Variants in CWF19L1 observed in about 807,000 individuals in gnomAD.
CWF19L1 encodes the protein CWF19-like protein 1.
Under a neutral mutation model 69.7 loss-of-function variants are expected in CWF19L1, and 60 were observed. The ratio of observed to expected loss-of-function variants is 0.86; its 90% CI spans 0.70 to 1.07. The LOEUF is 1.07. Ranked by LOEUF, CWF19L1 falls within the 50% of genes least tolerant of loss-of-function variation. CWF19L1 has a pLI of 0.00. For missense variants in CWF19L1, 591 were observed against 638.9 expected (o/e 0.92, Z 0.81); for synonymous variants, 209 against 222.2 (o/e 0.94, Z 0.53).
Position 100,233,274 on chromosome 10 carries a change from G to C in CWF19L1, c.1570C>G (p.Arg524Gly), listed in dbSNP as rs756636089. Residue 524 changes from arginine (R) to glycine (G), a missense_variant, in exon 14 of 14, where the codon CGC becomes GGC. Arg to Gly is a moderately radical substitution (Grantham distance 125, BLOSUM62 -2). This residue lies in a region of CWF19L1 where 458 missense variants were observed against 489.3 expected (regional missense o/e 0.94). Transcript: ENST00000354105. ...TAGGGCTCAAAGTCTTTCCGGAAGC[G>C]GCGAGCCAGGGTCTCCTCGTCTTCC... ...SKEDEETLAR[R>G]FRKDFEPYDF... The C allele has an allele frequency of 2.5e-6, 4 of 1,613,650 alleles. No individual in the cohort carries two copies. Among genetic ancestry groups the C allele is most frequent in the Admixed American group, 3.3e-5 (2 of 59,958 alleles).
chr10:100,243,615 T>G, intron 10 of CWF19L1, 83 bp downstream of exon 10: 1 of 1,185,374 alleles, frequency 8.4e-7, no homozygotes, highest in East Asian at 2.3e-5. Context: ...TGGGTAAATG[T>G]TATATGTAGA....
At chr10:100,257,509 A>C (rs1313587466) in intron 4 of CWF19L1, among the ~76,000 whole-genome samples, 1 of 151,950 alleles carries the variant, frequency 6.6e-6, no homozygotes. Context: ...CATGTTGGCC[A>C]GGATGGTCTC....
At chr10:100,255,163 G>A (rs896163593) in intron 5 of CWF19L1, among the ~76,000 whole-genome samples, 2 of 152,290 alleles carry the variant, frequency 1.3e-5, no homozygotes, top group Non-Finnish European at 2.9e-5. Context: ...CCAGTGTAGC[G>A]TTTCACTCCC....
At chr10:100,241,163 C>T (rs997076756) in intron 10 of CWF19L1, among the ~76,000 whole-genome samples, 3 of 151,890 alleles carry the variant, frequency 2.0e-5, no homozygotes, top group Non-Finnish European at 4.4e-5. Context: ...CCCGCCACCA[C>T]GCCCAGCTAA....
In CWF19L1 at chr10:100,257,287, CTTTT is replaced by C. The variant is rs55939570; in HGVS notation, c.290-815_290-812del. ...GAGTCATCCATGCTAAGTGCTTTAC[CTTTT>C]TTTTTTTTTTTTTTTTTTTTTGAGA... On this transcript the variant is annotated intron_variant, in intron 4 of 13. Transcript: ENST00000354105. Among the ~76,000 whole-genome samples the C allele has an allele frequency of 7.9e-3, 833 of 105,732 alleles. 8 individuals carry two copies. The highest frequency in any genetic ancestry group is 0.029 in the African/African-American group (789 of 27,426). The allele number at this position is 105,732 out of a possible 152,430, so 69.4% of individuals were successfully genotyped here.
chr10:100,244,269 C>A (rs1377771002), intron 9 of CWF19L1, among the ~76,000 whole-genome samples: 1 of 152,250 alleles, frequency 6.6e-6, no homozygotes, highest in African/African-American at 2.4e-5. Context: ...GGAGGCTCTT[C>A]ACCTCATTAT....
intron 2 of CWF19L1, 152 bp downstream of exon 2, chr10:100,261,827 C>A (rs937759114): frequency 8.6e-6 from 5 of 579,170 alleles, no homozygotes; most frequent in Non-Finnish European, 1.2e-5. Flanking sequence ...CCTCCCCCAG[C>A]CACTCAGCAG....
At chr10:100,251,753 T>C (rs566639318) in intron 6 of CWF19L1, among the ~76,000 whole-genome samples, 19 of 152,192 alleles carry the variant, frequency 1.2e-4, no homozygotes, top group African/African-American at 4.3e-4. Flanking sequence ...CCTCATGATC[T>C]GCCTGCCTCG....
intron 1 of CWF19L1, 116 bp downstream of exon 1, chr10:100,267,455 G>C: frequency 1.3e-6 from 2 of 1,598,266 alleles, no homozygotes; most frequent in Non-Finnish European, 1.7e-6. Flanking sequence ...CAGCAGCCCC[G>C]TGTCTCTCCG....
In CWF19L1 at chr10:100,245,483, C is replaced by T. The variant is rs751998853; in HGVS notation, c.964+316G>A. ...TCCAAGAAGTATATAAAAGCATCACCCCTAGAGAACCATACCTATTTATGA... is the reference window on the plus strand; with the variant it reads ...TCCAAGAAGTATATAAAAGCATCACTCCTAGAGAACCATACCTATTTATGA... On this transcript the variant is annotated intron_variant, in intron 9 of 13. Coordinates refer to ENST00000354105, the MANE Select transcript of CWF19L1 (RefSeq NM_018294.6). Among the ~76,000 whole-genome samples, 4 of 152,128 alleles carry T rather than the reference C, an allele frequency of 2.6e-5. No homozygotes were observed. The East Asian group carries it at 7.7e-4, about 29-fold the overall frequency.
intron 4 of CWF19L1, among the ~76,000 whole-genome samples, chr10:100,258,986 A>G (rs1020434120): frequency 8.6e-5 from 13 of 151,592 alleles, no homozygotes; most frequent in Non-Finnish European, 1.9e-4. Flanking sequence ...GCGGGTCACC[A>G]GGTCAGGAGA....
intron 1 of CWF19L1, among the ~76,000 whole-genome samples, chr10:100,264,037 A>G (rs1243168597): frequency 1.3e-5 from 2 of 152,256 alleles, no homozygotes; most frequent in Non-Finnish European, 2.9e-5. Context: ...TGGTGGTCCC[A>G]TAAGATTATA....
At chr10:100,252,562 T>C (rs1453410995) in intron 6 of CWF19L1, among the ~76,000 whole-genome samples, 1 of 152,090 alleles carries the variant, frequency 6.6e-6, no homozygotes, top group African/African-American at 2.4e-5. Flanking sequence ...TGGCTGGGCA[T>C]GGTGGCTCAC....
chr10:100,261,565 G>A (rs1439363750), intron 2 of CWF19L1, among the ~76,000 whole-genome samples: 1 of 152,104 alleles, frequency 6.6e-6, no homozygotes, highest in Non-Finnish European at 1.5e-5. Context: ...GTACTCTTAG[G>A]AGTTTACAGT....
rs1250175551 is a variant in CWF19L1, at chr10:100,246,795, C to T, written c.849G>A (p.Val283=). The T allele has an allele frequency of 1.9e-6, 3 of 1,612,930 alleles. No homozygotes were observed. The highest frequency in any genetic ancestry group is 2.5e-6 in the Non-Finnish European group (3 of 1,179,350). ...ASIGKQILAP[V]EESACQFFFD... ...ATGCCAACCCTCAATCAGAACATACCACAGGGGCAAGAATTTGCTTTCCTA... is the reference window on the plus strand; with the variant it reads ...ATGCCAACCCTCAATCAGAACATACTACAGGGGCAAGAATTTGCTTTCCTA... The change falls in exon 8 of 14, where the codon GTG becomes GTA. Residue 283 remains valine, a splice_region_variant and synonymous_variant. Transcript: ENST00000354105.
At chr10:100,247,018 A>C in intron 7 of CWF19L1, 83 bp from the exon 8 acceptor site, 1 of 1,277,552 alleles carries the variant, frequency 7.8e-7, no homozygotes, top group South Asian at 1.6e-5. Flanking sequence ...TGAAGATTTC[A>C]CAGAAAACAT....
intron 9 of CWF19L1, among the ~76,000 whole-genome samples, chr10:100,245,072 G>C (rs1846768805): frequency 6.6e-6 from 1 of 150,606 alleles, no homozygotes; most frequent in African/African-American, 2.4e-5. Context: ...ACCCAGGCTG[G>C]AGTGCAATGG....
chr10:100,262,249 C>T (rs1847428908), intron 1 of CWF19L1, 186 bp from the exon 2 acceptor site: 1 of 985,300 alleles, frequency 1.0e-6, no homozygotes, highest in African/African-American at 1.7e-5. Flanking sequence ...CTCCCACTCG[C>T]CGTATCTAAA....
intron 4 of CWF19L1, among the ~76,000 whole-genome samples, chr10:100,259,667 C>T (rs1847329846): frequency 6.6e-6 from 1 of 152,078 alleles, no homozygotes; most frequent in Admixed American, 6.6e-5. Flanking sequence ...GGGAACGCAA[C>T]GATATTGGGG....
Sources: allele counts gnomAD v4.1 joint callset (sites outside exome capture counted in the v4.1 genomes callset), GRCh38; gene constraint gnomAD v4.1.1; regional missense constraint gnomAD v4.1.1; transcripts MANE v1.5; gene names NCBI Gene and HGNC (gene_info 2026-07-23, HGNC 2026-07-21).